Variants in SYNPO2L observed in about 807,000 individuals in gnomAD.
The protein encoded by SYNPO2L is synaptopodin 2 like, also known as synaptopodin 2-like protein.
A neutral mutation model predicts 47.5 loss-of-function variants in SYNPO2L; 34 were observed. That is an observed-to-expected ratio of 0.72 (90% confidence interval 0.54 to 0.95). SYNPO2L has a LOEUF of 0.95. Among genes scored for constraint, SYNPO2L ranks in the 40% least tolerant of loss-of-function variants. SYNPO2L has a pLI of 0.00. For missense variants in SYNPO2L, 1,246 were observed against 1,282.0 expected (o/e 0.97, Z 0.43); for synonymous variants, 536 against 524.9 (o/e 1.02, Z -0.29).
chr10:73,655,796 C>T (rs1349749281), intron 1 of SYNPO2L, 22 bp downstream of exon 1: 9 of 1,515,702 alleles, frequency 5.9e-6, no homozygotes, highest in Admixed American at 2.0e-5. Flanking sequence ...CCTGAAGCCT[C>T]ATTTCAGGGG....
chr10:73,654,013 C>T (rs936380389), intron 2 of SYNPO2L, 116 bp downstream of exon 2: 228 of 1,339,820 alleles, frequency 1.7e-4, no homozygotes, highest in Non-Finnish European at 1.2e-4. Flanking sequence ...CCAGCAGAAA[C>T]GCACGAGCAG....
Position 73,646,962 on chromosome 10 carries a change from G to C in SYNPO2L, c.2690C>G (p.Pro897Arg). The C allele has an allele frequency of 6.2e-7, 1 of 1,610,282 alleles. No individual in the cohort carries two copies. The highest frequency in any genetic ancestry group is 8.5e-7 in the Non-Finnish European group (1 of 1,177,666). ...IRRFSTPAPQ[P>R]TAEPLAPTVL... is the part of the protein sequence containing the mutation. ...AGTGGGAGCCAGGGGTTCTGCAGTG[G>C]GCTGGGGTGCCGGAGTGGAAAACCG... is the stretch of plus-strand genomic sequence containing the variant. Residue 897 changes from proline to arginine, a missense_variant, in exon 4 of 4, where the codon CCC becomes CGC. By Grantham distance (103) the Pro-to-Arg change is moderately radical. Coordinates refer to ENST00000394810, the MANE Select transcript of SYNPO2L (RefSeq NM_001114133.3).
At position 73,644,982 on chromosome 10, in the gene SYNPO2L, C is replaced by CT; in HGVS notation, c.*1735_*1736insA. 1 of 1,239,394 alleles carries CT rather than the reference C, an allele frequency of 8.1e-7. No individual in the cohort carries two copies. The highest frequency in any genetic ancestry group is 1.0e-6 in the Non-Finnish European group (1 of 963,772). 76.8% of individuals were successfully genotyped at this position (1,239,394 alleles called of 1,614,324 possible). A position where few individuals can be genotyped will look rare whatever the true frequency, so the allele number is the denominator to read the frequency against. Reference sequence around the variant, plus strand: ...ATCACTTTCCAGATTACACAGCAAACGTAGCTGGTGGTGGTCTTGGTGAGA... The same window carrying CT: ...ATCACTTTCCAGATTACACAGCAAACTGTAGCTGGTGGTGGTCTTGGTGAGA... On this transcript the variant is annotated 3_prime_UTR_variant, in exon 4 of 4. Transcript: ENST00000394810.
chr10:73,655,655 G>A (rs953663069), intron 1 of SYNPO2L, among the ~76,000 whole-genome samples, 163 bp downstream of exon 1: 4 of 151,702 alleles, frequency 2.6e-5, no homozygotes, highest in African/African-American at 7.3e-5. Flanking sequence ...GTGGTCAGAC[G>A]CTACTCCCAC....
At chr10:73,652,066 C>CA (rs1178972762) in intron 3 of SYNPO2L, among the ~76,000 whole-genome samples, 8,807 of 44,086 alleles carry the variant, frequency 0.2, 771 homozygotes, top group Non-Finnish European at 0.29. Context: ...GACTCTATCT[C>CA]AAAAAAAAAA....
chr10:73,649,425 T>C, intron 3 of SYNPO2L, among the ~76,000 whole-genome samples: 1 of 152,180 alleles, frequency 6.6e-6, no homozygotes, highest in Non-Finnish European at 1.5e-5. Flanking sequence ...AATGAGGATC[T>C]TCATTCACAA....
chr10:73,655,945 C>T lies in SYNPO2L; in HGVS notation c.-23G>A, dbSNP rs2081876870. ...CATCGCTCAGCTTGGCCTATGGCCC[C>T]CGGAGTTTGAACAGTGTCCCCAGGA... On this transcript the variant is annotated 5_prime_UTR_variant, in exon 1 of 4. Transcript: ENST00000394810. 6.5e-7 allele frequency: 1 copy of T among 1,542,252 alleles called. No individual in the cohort carries two copies. Among genetic ancestry groups the T allele is most frequent in the East Asian group, 2.5e-5 (1 of 40,678 alleles).
In SYNPO2L at chr10:73,646,821, G is replaced by T; in HGVS notation, c.2831C>A (p.Ala944Asp). The change falls in exon 4 of 4, where the codon GCT becomes GAT. Residue 944 changes from alanine to aspartate, a missense_variant. Ala to Asp is a moderately radical substitution (Grantham distance 126). Around this residue, in one of 3 missense-constraint regions of SYNPO2L, gnomAD observed 1,037 missense variants for 1,021.5 expected, o/e 1.02. Transcript: ENST00000394810. ...PPPEAPRGLG[A>D]SPSSCGFQVA... ...CTGGAAACCGCAGGAGCTGGGAGAA[G>T]CCCCAAGGCCCCTGGGAGCCTCTGG... The T allele has an allele frequency of 6.5e-7, 1 of 1,545,352 alleles. No homozygotes were observed. Among genetic ancestry groups the T allele is most frequent in the Non-Finnish European group, 8.7e-7 (1 of 1,148,740 alleles).
In SYNPO2L at chr10:73,655,962, T is replaced by A; in HGVS notation, c.-40A>T. 18 of 1,507,164 alleles carry A rather than the reference T, an allele frequency of 1.2e-5. No homozygotes were observed. The highest frequency in any genetic ancestry group is 1.6e-5 in the Non-Finnish European group (18 of 1,119,928). 93.4% of individuals were successfully genotyped at this position (1,507,164 alleles called of 1,614,324 possible). A position where few individuals can be genotyped will look rare whatever the true frequency, so the allele number is the denominator to read the frequency against. Reference sequence around the variant, plus strand: ...TATGGCCCCCGGAGTTTGAACAGTGTCCCCAGGAGAGAAGTTGAGGTGCTC... The same window carrying A: ...TATGGCCCCCGGAGTTTGAACAGTGACCCCAGGAGAGAAGTTGAGGTGCTC... On this transcript the variant is annotated 5_prime_UTR_variant, in exon 1 of 4. Transcript: ENST00000394810.
chr10:73,645,121 T>C lies in SYNPO2L; in HGVS notation c.*1597A>G. The C allele has an allele frequency of 8.2e-7, 1 of 1,222,384 alleles. No individual in the cohort carries two copies. The highest frequency in any genetic ancestry group is 1.5e-5 in the South Asian group (1 of 67,556). 75.7% of individuals were successfully genotyped at this position (1,222,384 alleles called of 1,614,324 possible). On this transcript the variant is annotated 3_prime_UTR_variant, in exon 4 of 4. Coordinates refer to ENST00000394810, the MANE Select transcript of SYNPO2L (RefSeq NM_001114133.3). ...GAGGTTTTGGCTCTGGGTATTTCCC[T>C]ACTCTTTCCCAGGCAGTCATGGCAA...
Position 73,648,044 on chromosome 10 carries a change from G to T in SYNPO2L, c.1608C>A (p.Ser536Arg). The T allele has an allele frequency of 6.3e-7, 1 of 1,592,912 alleles. No homozygotes were observed. ...PSHAPVSGSP[S>R]TPRSSGPVTA... Reference sequence around the variant, plus strand: ...TCACAGGGCCCGAGGAGCGTGGGGTGCTGGGGGAACCAGAGACTGGCGCGT... The same window carrying T: ...TCACAGGGCCCGAGGAGCGTGGGGTTCTGGGGGAACCAGAGACTGGCGCGT... Residue 536 changes from serine to arginine, a missense_variant, in exon 4 of 4, where the codon AGC (serine) becomes AGA (arginine). Transcript: ENST00000394810.
chr10:73,652,958 C>G (rs1194479501), intron 3 of SYNPO2L, among the ~76,000 whole-genome samples, 181 bp downstream of exon 3: 4 of 152,194 alleles, frequency 2.6e-5, no homozygotes. Context: ...CACATTGGTT[C>G]AAACAGCAAA....
Position 73,647,048 on chromosome 10 carries a change from G to C in SYNPO2L, c.2604C>G (p.Pro868=). Residue 868 remains proline (P), a synonymous_variant, in exon 4 of 4, where the codon CCC becomes CCG. Coordinates refer to ENST00000394810, the MANE Select transcript of SYNPO2L (RefSeq NM_001114133.3). ...CTGAGGCGATAGGGCCAGGAGTCGG[G>C]GGAACCTCATCAAAACAGAACATGG... ...KTAMFCFDEV[P]PTPGPIASGS... 1 of 1,614,016 alleles carries C rather than the reference G, an allele frequency of 6.2e-7. No individual in the cohort carries two copies. Among genetic ancestry groups the C allele is most frequent in the East Asian group, 2.2e-5 (1 of 44,858 alleles).
At position 73,648,783 on chromosome 10, in the gene SYNPO2L, G is replaced by C. The variant is rs2081810998; in HGVS notation, c.869C>G (p.Pro290Arg). Residue 290 changes from proline (P) to arginine (R), a missense_variant, in exon 4 of 4, where the codon CCC becomes CGC. By Grantham distance (103) the Pro-to-Arg change is moderately radical (BLOSUM62 -2). This residue lies in a region of SYNPO2L where 1,037 missense variants were observed against 1,021.5 expected (regional missense o/e 1.02). Coordinates refer to ENST00000394810, the MANE Select transcript of SYNPO2L (RefSeq NM_001114133.3). ...AAACATAAGTACCCCTTTGGAGTGG[G>C]GGTTGGGGGCTGCAGTGAGCAGGGA... ...IASLLTAAPNPHSKGVLMFKK... is the reference protein window; with the variant it reads ...IASLLTAAPNRHSKGVLMFKK... 1.2e-6 allele frequency: 2 copies of C among 1,608,500 alleles called. No homozygotes were observed. Among genetic ancestry groups the C allele is most frequent in the African/African-American group, 2.7e-5 (2 of 74,958 alleles).
chr10:73,655,304 C>T (rs2081870159), intron 1 of SYNPO2L, among the ~76,000 whole-genome samples: 1 of 152,064 alleles, frequency 6.6e-6, no homozygotes, highest in African/African-American at 2.4e-5. Flanking sequence ...CCTCCTAGCA[C>T]CTAAAAAAGT....
At chr10:73,653,805 T>A (rs950793734) in intron 2 of SYNPO2L, among the ~76,000 whole-genome samples, 152 bp from the exon 3 acceptor site, 1 of 149,526 alleles carries the variant, frequency 6.7e-6, no homozygotes, top group Non-Finnish European at 1.5e-5. Flanking sequence ...CCGGGAAGAG[T>A]GGAGATATGA....
Position 73,646,847 on chromosome 10 carries a change from A to G in SYNPO2L, c.2805T>C (p.Pro935=). ...ASAPVPSPAP[P]PEAPRGLGAS... is the part of the protein sequence containing the mutation. ...CCCCAAGGCCCCTGGGAGCCTCTGGAGGAGGGGCTGGGCTAGGAACAGGGG... is the reference window on the plus strand; with the variant it reads ...CCCCAAGGCCCCTGGGAGCCTCTGGGGGAGGGGCTGGGCTAGGAACAGGGG... Residue 935 remains proline, a synonymous_variant, in exon 4 of 4, where the codon CCT becomes CCC. Coordinates refer to ENST00000394810, the MANE Select transcript of SYNPO2L (RefSeq NM_001114133.3). 6.5e-7 allele frequency: 1 copy of G among 1,548,134 alleles called. No homozygotes were observed. The highest frequency in any genetic ancestry group is 1.4e-5 in the African/African-American group (1 of 71,990).
rs1242586454 is a variant in SYNPO2L at position 73,647,833 on chromosome 10, G to A, written c.1819C>T (p.Pro607Ser). 1 of 1,577,594 alleles carries A rather than the reference G, an allele frequency of 6.3e-7. No homozygotes were observed. The highest frequency in any genetic ancestry group is 1.2e-5 in the South Asian group (1 of 85,142). Residue 607 changes from proline to serine, a missense_variant, in exon 4 of 4, where the codon CCC becomes TCC. Pro to Ser is a moderately conservative substitution (Grantham distance 74). Around this residue, in one of 3 missense-constraint regions of SYNPO2L, gnomAD observed 1,037 missense variants for 1,021.5 expected, o/e 1.02. Coordinates refer to ENST00000394810, the MANE Select transcript of SYNPO2L (RefSeq NM_001114133.3). Reference sequence around the variant, plus strand: ...GAGATGCGCTGCTCGCGAGCGCTGGGGGGCTCAGGAGCCCCTGGGCCTGGG... The same window carrying A: ...GAGATGCGCTGCTCGCGAGCGCTGGAGGGCTCAGGAGCCCCTGGGCCTGGG... ...PAPGPGAPEP[P>S]SAREQRISVP...
chr10:73,645,881 G>C lies in SYNPO2L; in HGVS notation c.*837C>G, dbSNP rs984822413. ...GCTCCGTCGCCCAGGCTGGAGTGCAGTGGCGCAATCTCAGCTCACTGCAAG... is the reference window on the plus strand; with the variant it reads ...GCTCCGTCGCCCAGGCTGGAGTGCACTGGCGCAATCTCAGCTCACTGCAAG... On this transcript the variant is annotated 3_prime_UTR_variant, in exon 4 of 4. Coordinates refer to ENST00000394810, the MANE Select transcript of SYNPO2L (RefSeq NM_001114133.3). 1.4e-5 allele frequency: 14 copies of C among 976,824 alleles called. No individual in the cohort carries two copies. Among genetic ancestry groups the C allele is most frequent in the Middle Eastern group, 5.3e-4 (1 of 1,898 alleles). The allele number at this position is 976,824 out of a possible 1,614,324, so 60.5% of individuals were successfully genotyped here. A position where few individuals can be genotyped will look rare whatever the true frequency, so the allele number is the denominator to read the frequency against.
Sources: allele counts gnomAD v4.1 joint callset (sites outside exome capture counted in the v4.1 genomes callset), GRCh38; gene constraint gnomAD v4.1.1; regional missense constraint gnomAD v4.1.1; transcripts MANE v1.5; gene names NCBI Gene and HGNC (gene_info 2026-07-23, HGNC 2026-07-21).